Variants in RPAP2 observed in about 807,000 individuals in gnomAD.
RPAP2 encodes the protein RNA polymerase II associated protein 2, also known as putative RNA polymerase II subunit B1 CTD phosphatase RPAP2.
Under a neutral mutation model 73.1 loss-of-function variants are expected in RPAP2, and 52 were observed. That is an observed-to-expected ratio of 0.71 (90% confidence interval 0.57 to 0.90). The LOEUF is 0.90. Among genes scored for constraint, RPAP2 ranks in the 40% least tolerant of loss-of-function variants. The probability of loss-of-function intolerance (pLI) is 0.00; values close to 1 mark genes in which losing one functional copy is unlikely to be tolerated. For synonymous variants in RPAP2, 225 were observed against 242.1 expected, an observed-to-expected ratio of 0.93 and a Z score of 0.65; for missense variants, 598 against 701.8, an observed-to-expected ratio of 0.85 and a Z score of 1.67.
intron 11 of RPAP2, among the ~76,000 whole-genome samples, chr1:92,356,535 C>T (rs2101365120): frequency 6.6e-6 from 1 of 151,650 alleles, no homozygotes; most frequent in African/African-American, 2.4e-5. Context: ...CCTCCTGCCT[C>T]AGCCTTCCAA....
At position 92,401,752 on chromosome 1, in the gene RPAP2, G is replaced by A. The variant is rs1264470676; in HGVS notation, c.*14741G>A. ...TTGTCATTTTAAATCATAAATGGGT[G>A]TTGAATTTTGTCAAAGGCTTTTAAT... On this transcript the variant is annotated 3_prime_UTR_variant, in exon 13 of 13. Transcript: ENST00000610020. 6.6e-6 allele frequency: 1 copy of A among 152,198 alleles called. No homozygotes were observed. The highest frequency in any genetic ancestry group is 6.5e-5 in the Admixed American group (1 of 15,282). 9.4% of individuals were successfully genotyped at this position (152,198 alleles called of 1,614,324 possible). A position where few individuals can be genotyped will look rare whatever the true frequency, so the allele number is the denominator to read the frequency against.
At position 92,323,874 on chromosome 1, in the gene RPAP2, A is replaced by G. The variant is rs370948667; in HGVS notation, c.954A>G (p.Glu318=). Residue 318 remains glutamate, a synonymous_variant, in exon 8 of 13, where the codon GAA becomes GAG. Transcript: ENST00000610020. ...AAGCGTCAGAAAATTCTGAAAGTGA[A>G]TACAGTAGGTCAGAAATAACTCTAG... ...RLKASENSES[E]YSRSEITLVG... is the part of the protein sequence containing the mutation. The G allele has an allele frequency of 2.6e-5, 42 of 1,614,086 alleles. No individual in the cohort carries two copies. The African/African-American group carries it at 4.0e-4, about 15-fold the overall frequency.
In RPAP2 at chr1:92,304,281, T is replaced by C. The variant is rs763246263; in HGVS notation, c.334-3T>C. 6.9e-7 allele frequency: 1 copy of C among 1,448,600 alleles called. No homozygotes were observed. The highest frequency in any genetic ancestry group is 9.6e-7 in the Non-Finnish European group (1 of 1,042,552). 89.7% of individuals were successfully genotyped at this position (1,448,600 alleles called of 1,614,324 possible). A position where few individuals can be genotyped will look rare whatever the true frequency, so the allele number is the denominator to read the frequency against. On this transcript the variant is annotated splice_region_variant and splice_polypyrimidine_tract_variant and intron_variant, in intron 4 of 12. Coordinates refer to ENST00000610020, the MANE Select transcript of RPAP2 (RefSeq NM_024813.3). ...TTTGTAAGCTGTACTTTCTTTTCTT[T>C]AGGTACCAAAACAGAAATATAAAAT...
At chr1:92,350,654 T>A (rs1416828950) in intron 11 of RPAP2, among the ~76,000 whole-genome samples, 2 of 152,236 alleles carry the variant, frequency 1.3e-5, no homozygotes, top group African/African-American at 4.8e-5. Flanking sequence ...GATTGTCTTC[T>A]ATAGGCCAGG....
Position 92,401,755 on chromosome 1 carries a change from G to C in RPAP2, c.*14744G>C, listed in dbSNP as rs571399173. 24 of 152,298 alleles carry C rather than the reference G, an allele frequency of 1.6e-4. No individual in the cohort carries two copies. Among genetic ancestry groups the C allele is most frequent in the South Asian group, 4.1e-4 (2 of 4,832 alleles). The allele number at this position is 152,298 out of a possible 1,614,324, so 9.4% of individuals were successfully genotyped here. A position where few individuals can be genotyped will look rare whatever the true frequency, so the allele number is the denominator to read the frequency against. ...TCATTTTAAATCATAAATGGGTGTTGAATTTTGTCAAAGGCTTTTAATGCA... is the reference window on the plus strand; with the variant it reads ...TCATTTTAAATCATAAATGGGTGTTCAATTTTGTCAAAGGCTTTTAATGCA... On this transcript the variant is annotated 3_prime_UTR_variant, in exon 13 of 13. Coordinates refer to ENST00000610020, the MANE Select transcript of RPAP2 (RefSeq NM_024813.3).
intron 8 of RPAP2, among the ~76,000 whole-genome samples, chr1:92,328,698 T>A (rs1375994889): frequency 1.3e-5 from 2 of 152,214 alleles, no homozygotes; most frequent in Non-Finnish European, 2.9e-5. Flanking sequence ...GCTAGTATGA[T>A]GTTTTGGGTT....
intron 11 of RPAP2, among the ~76,000 whole-genome samples, chr1:92,380,419 T>A (rs530671808): frequency 1.3e-5 from 2 of 152,314 alleles, no homozygotes; most frequent in Non-Finnish European, 2.9e-5. Flanking sequence ...TTTCGTAACC[T>A]CCCTTTCCCA....
At chr1:92,328,978 A>G (rs1336346370) in intron 8 of RPAP2, among the ~76,000 whole-genome samples, 1 of 152,196 alleles carries the variant, frequency 6.6e-6, no homozygotes, top group East Asian at 1.9e-4. Context: ...GTGTCTGCAA[A>G]GGGTCCTGTG....
At chr1:92,348,738 G>C (rs896328079) in intron 11 of RPAP2, among the ~76,000 whole-genome samples, 4 of 152,020 alleles carry the variant, frequency 2.6e-5, no homozygotes, top group African/African-American at 9.7e-5. Flanking sequence ...ACAAGTTAGG[G>C]ATAAAATTAA....
intron 2 of RPAP2, 135 bp downstream of exon 2, chr1:92,300,374 A>G (rs1650739917): frequency 1.0e-5 from 7 of 692,998 alleles, no homozygotes; most frequent in African/African-American, 7.2e-5. Flanking sequence ...AGATCTGGGA[A>G]GGCCTATAAA....
chr1:92,340,963 A>G (rs1653559672), intron 10 of RPAP2, among the ~76,000 whole-genome samples: 1 of 152,180 alleles, frequency 6.6e-6, no homozygotes, highest in Non-Finnish European at 1.5e-5. Flanking sequence ...GAATCAAGGT[A>G]TTTCAATCTG....
chr1:92,334,638 A>G (rs1653165610), intron 9 of RPAP2, among the ~76,000 whole-genome samples: 1 of 152,136 alleles, frequency 6.6e-6, no homozygotes, highest in Admixed American at 6.5e-5. Context: ...ACCTGAAGCC[A>G]GGAGTTCAAG....
chr1:92,312,044 C>G (rs150243699), intron 6 of RPAP2, among the ~76,000 whole-genome samples: 170 of 152,246 alleles, frequency 1.1e-3, no homozygotes, highest in African/African-American at 3.9e-3. Flanking sequence ...TGATCGACTT[C>G]CTTTCACTAA....
intron 8 of RPAP2, among the ~76,000 whole-genome samples, chr1:92,324,895 T>C (rs1652536890): frequency 6.6e-6 from 1 of 152,232 alleles, no homozygotes; most frequent in East Asian, 1.9e-4. Context: ...CACATTCAGA[T>C]AGACCTAGAT....
chr1:92,323,904 C>A lies in RPAP2; in HGVS notation c.984C>A (p.Gly328=). 1 of 1,614,026 alleles carries A rather than the reference C, an allele frequency of 6.2e-7. No individual in the cohort carries two copies. The highest frequency in any genetic ancestry group is 8.5e-7 in the Non-Finnish European group (1 of 1,179,940). The change falls in exon 8 of 13, where the codon GGC becomes GGA. Residue 328 remains glycine (G), a synonymous_variant. Coordinates refer to ENST00000610020, the MANE Select transcript of RPAP2 (RefSeq NM_024813.3). ...GTAGGTCAGAAATAACTCTAGTAGG[C>A]ATAAGTAAGAAAAGTGCAGAGCATT... ...EYSRSEITLV[G]ISKKSAEHFK...
At position 92,304,306 on chromosome 1, in the gene RPAP2, T is replaced by C; in HGVS notation, c.356T>C (p.Ile119Thr). The C allele has an allele frequency of 6.6e-7, 1 of 1,507,884 alleles. No individual in the cohort carries two copies. Among genetic ancestry groups the C allele is most frequent in the Non-Finnish European group, 9.1e-7 (1 of 1,093,546 alleles). The allele number at this position is 1,507,884 out of a possible 1,614,324, so 93.4% of individuals were successfully genotyped here. The change falls in exon 5 of 13, where the codon ATT becomes ACT. Residue 119 changes from isoleucine to threonine, a missense_variant. By Grantham distance (89) the Ile-to-Thr change is moderately conservative. Transcript: ENST00000610020. ...TAGGTACCAAAACAGAAATATAAAATTTCTACCAAAACCAATAAAGTCTAT... is the reference window on the plus strand; with the variant it reads ...TAGGTACCAAAACAGAAATATAAAACTTCTACCAAAACCAATAAAGTCTAT... ...LGIVPKQKYK[I>T]STKTNKVYDI... is the part of the protein sequence containing the mutation.
chr1:92,337,652 T>C (rs1366569304), intron 10 of RPAP2, among the ~76,000 whole-genome samples: 1 of 152,148 alleles, frequency 6.6e-6, no homozygotes, highest in South Asian at 2.1e-4. Flanking sequence ...ACTTGGGATA[T>C]CTCAGTTTTC....
intron 11 of RPAP2, among the ~76,000 whole-genome samples, chr1:92,377,063 A>G (rs1167113192): frequency 6.6e-6 from 1 of 152,214 alleles, no homozygotes; most frequent in Non-Finnish European, 1.5e-5. Context: ...CAATACTATA[A>G]TTGATAAAAA....
rs771787391 is a variant in RPAP2, at chr1:92,324,013, AACTT to A, written c.1099_1102del (p.Leu367LysfsTer3). The A allele has an allele frequency of 1.7e-5, 28 of 1,613,996 alleles. No homozygotes were observed. The highest frequency in any genetic ancestry group is 4.0e-5 in the African/African-American group (3 of 75,008). ...GGTGTGTCCTGAAGTTGGAAAGAGA[AACTT>A]ACTTAAAGTTTTGAAGGAGACTTTG... On this transcript the variant is annotated frameshift_variant, in exon 8 of 13. Coordinates refer to ENST00000610020, the MANE Select transcript of RPAP2 (RefSeq NM_024813.3). LOFTEE classifies it high-confidence loss of function.
Sources: allele counts gnomAD v4.1 joint callset (sites outside exome capture counted in the v4.1 genomes callset), GRCh38; gene constraint gnomAD v4.1.1; transcripts MANE v1.5; gene names NCBI Gene and HGNC (gene_info 2026-07-23, HGNC 2026-07-21).